FABP7: variants seen among roughly 807,000 people sequenced by gnomAD.
FABP7 encodes the protein fatty acid binding protein 7, also known as fatty acid-binding protein, brain.
FABP7 carries 13 observed loss-of-function variants against 14.2 expected under a neutral mutation model. The observed-to-expected ratio is 0.91, with a 90% confidence interval of 0.59 to 1.45. The LOEUF is 1.45. Ranked by LOEUF, FABP7 falls within the 40% of genes most tolerant of loss-of-function variation. FABP7 has a pLI of 0.00. For missense variants in FABP7, 149 were observed against 157.6 expected (o/e 0.95, Z 0.29); for synonymous variants, 49 against 51.4 (o/e 0.95, Z 0.20).
Position 122,784,007 on chromosome 6 carries a change from A to G in FABP7, c.*240A>G. 2.8e-6 allele frequency: 1 copy of G among 357,416 alleles called. No individual in the cohort carries two copies. Among genetic ancestry groups the G allele is most frequent in the Non-Finnish European group, 4.8e-6 (1 of 206,684 alleles). 22.1% of individuals were successfully genotyped at this position (357,416 alleles called of 1,614,324 possible). A position where few individuals can be genotyped will look rare whatever the true frequency, so the allele number is the denominator to read the frequency against. On this transcript the variant is annotated 3_prime_UTR_variant, in exon 4 of 4. Transcript: ENST00000368444. ...CCCCCCCCCCCTTTTTTTTATAAAC[A>G]AGTGAATACATTTTATAATTTCTTT...
chr6:122,781,254 C>A, intron 3 of FABP7, 60 bp downstream of exon 3: 2 of 1,578,104 alleles, frequency 1.3e-6, no homozygotes, highest in Non-Finnish European at 1.7e-6. Context: ...ACACCTCTCA[C>A]CTCCTTCCTT....
chr6:122,758,186 C>A, the FABP7 span, among the ~76,000 whole-genome samples: 1 of 148,252 alleles, frequency 6.7e-6, no homozygotes, highest in African/African-American at 2.5e-5. Context: ...TGGCTCTATG[C>A]AAACTCTGCC....
At chr6:122,779,526 T>A (rs1780727232), upstream of FABP7, 1 of 483,030 alleles carries the variant, frequency 2.1e-6, no homozygotes, top group African/African-American at 1.9e-5. Flanking sequence ...CTCGACCTAC[T>A]CCGCTAACCC....
the FABP7 span, among the ~76,000 whole-genome samples, chr6:122,756,458 C>A: frequency 1.9e-3 from 282 of 152,262 alleles, 5 homozygotes; most frequent in South Asian, 0.035. Context: ...CCTGTCGGCA[C>A]CACCATGCTC....
the FABP7 span, among the ~76,000 whole-genome samples, chr6:122,766,115 G>C: frequency 6.6e-6 from 1 of 152,032 alleles, no homozygotes; most frequent in African/African-American, 2.4e-5. Flanking sequence ...TGTAGCTAGA[G>C]AATAGGTTTA....
At chr6:122,775,858 AC>A (rs1302228864), upstream of FABP7, among the ~76,000 whole-genome samples, 2 of 152,052 alleles carry the variant, frequency 1.3e-5, no homozygotes, top group African/African-American at 4.8e-5. Flanking sequence ...CAAACAAAAA[AC>A]AAATTATCTG....
upstream of FABP7, among the ~76,000 whole-genome samples, chr6:122,776,331 T>C (rs1050832968): frequency 6.6e-6 from 1 of 152,130 alleles, no homozygotes; most frequent in African/African-American, 2.4e-5. Context: ...TAATGAAATA[T>C]TATTCAGCCA....
chr6:122,762,071 G>A, the FABP7 span, among the ~76,000 whole-genome samples: 1 of 152,100 alleles, frequency 6.6e-6, no homozygotes, highest in African/African-American at 2.4e-5. Context: ...ACCAAAGCTT[G>A]GCAGAGACAC....
chr6:122,753,189 G>C, the FABP7 span, among the ~76,000 whole-genome samples: 1 of 152,162 alleles, frequency 6.6e-6, no homozygotes, highest in African/African-American at 2.4e-5. Flanking sequence ...CAGCCCTGCA[G>C]GGTAACTTGG....
upstream of FABP7, among the ~76,000 whole-genome samples, chr6:122,777,798 G>A (rs915088218): frequency 2.0e-5 from 3 of 151,656 alleles, no homozygotes; most frequent in African/African-American, 7.3e-5. Flanking sequence ...GGCTGAGATC[G>A]CGCCACTGCA....
upstream of FABP7, among the ~76,000 whole-genome samples, chr6:122,775,217 A>G (rs1330107677): frequency 2.0e-5 from 3 of 152,138 alleles, no homozygotes; most frequent in South Asian, 6.2e-4. Context: ...AAAAGAACAA[A>G]GCAAAAAGAA....
In FABP7 at chr6:122,780,363, A is replaced by C; in HGVS notation, c.146A>C (p.Lys49Thr). ...GTAATTATCAGTCAAGAAGGAGACAAAGTGGTCATCAGGACTCTCAGCACA... is the reference window on the plus strand; with the variant it reads ...GTAATTATCAGTCAAGAAGGAGACACAGTGGTCATCAGGACTCTCAGCACA... ...PTVIISQEGD[K>T]VVIRTLSTFK... The change falls in exon 2 of 4, where the codon AAA becomes ACA. Residue 49 changes from lysine (K) to threonine (T), a missense_variant. Transcript: ENST00000368444. 1.2e-6 allele frequency: 2 copies of C among 1,614,164 alleles called. No homozygotes were observed. Among genetic ancestry groups the C allele is most frequent in the African/African-American group, 1.3e-5 (1 of 75,046 alleles).
At chr6:122,781,352 G>A (rs1273723007) in intron 3 of FABP7, 158 bp downstream of exon 3, 3 of 1,468,968 alleles carry the variant, frequency 2.0e-6, no homozygotes, top group Admixed American at 2.3e-5. Flanking sequence ...ATGTAAAACA[G>A]GGGAAACAAA....
the FABP7 span, among the ~76,000 whole-genome samples, chr6:122,749,247 G>A: frequency 6.6e-6 from 1 of 152,084 alleles, no homozygotes; most frequent in Non-Finnish European, 1.5e-5. Flanking sequence ...AATATGAGGG[G>A]TGGTCTCCTC....
the FABP7 span, among the ~76,000 whole-genome samples, chr6:122,755,708 C>T: frequency 6.6e-6 from 1 of 152,010 alleles, no homozygotes; most frequent in Non-Finnish European, 1.5e-5. Flanking sequence ...CTGCCCGCCT[C>T]AGCCTCCCAA....
chr6:122,764,903 G>C, the FABP7 span, among the ~76,000 whole-genome samples: 1 of 152,196 alleles, frequency 6.6e-6, no homozygotes, highest in African/African-American at 2.4e-5. Context: ...AGGCTGTCAA[G>C]ACTGTTGTAT....
the FABP7 span, among the ~76,000 whole-genome samples, chr6:122,755,885 G>T: frequency 6.6e-6 from 1 of 152,130 alleles, no homozygotes. Flanking sequence ...GAAAGAGTGG[G>T]TTAGGGGACC....
chr6:122,781,632 T>A (rs1347073946), intron 3 of FABP7: 1 of 1,071,422 alleles, frequency 9.3e-7, no homozygotes, highest in African/African-American at 1.6e-5. Context: ...AAACAGTTTA[T>A]ATTTTAATTT....
the FABP7 span, among the ~76,000 whole-genome samples, chr6:122,755,395 T>C: frequency 5.3e-5 from 8 of 151,512 alleles, no homozygotes; most frequent in Non-Finnish European, 8.8e-5. Flanking sequence ...GTGTGAATTT[T>C]TACTTATAAC....
Sources: allele counts gnomAD v4.1 joint callset (sites outside exome capture counted in the v4.1 genomes callset), GRCh38; gene constraint gnomAD v4.1.1; transcripts MANE v1.5; gene names NCBI Gene and HGNC (gene_info 2026-07-23, HGNC 2026-07-21).